The following EPHB2 variants were observed in gnomAD, a reference collection of about 807,000 sequenced individuals.
The protein encoded by EPHB2 is EPH receptor B2, also known as ephrin type-B receptor 2.
A neutral mutation model predicts 96.4 loss-of-function variants in EPHB2; 18 were observed. The ratio of observed to expected loss-of-function variants is 0.19; its 90% CI spans 0.13 to 0.28. EPHB2 has a LOEUF of 0.28. Among genes scored for constraint, EPHB2 ranks in the 10% least tolerant of loss-of-function variants. EPHB2 has a pLI of 1.00. For synonymous variants in EPHB2, 506 were observed against 534.1 expected (o/e 0.95, Z 0.72); for missense variants, 989 against 1,355.4 (o/e 0.73, Z 4.25).
intron 1 of EPHB2, among the ~76,000 whole-genome samples, chr1:22,773,778 C>T (rs548090630): frequency 2.0e-5 from 3 of 152,160 alleles, no homozygotes; most frequent in Non-Finnish European, 4.4e-5. Flanking sequence ...CTACCATCTC[C>T]TTCTGTGAAG....
In EPHB2 at chr1:22,857,538, A is replaced by G. The variant is rs569943405; in HGVS notation, c.812-5499A>G. ...TGGAGAGCTTACAGTAGGATGGTCA[A>G]TCCTCCCAGTTTGCCCAAGACTAAG... On this transcript the variant is annotated intron_variant, in intron 3 of 15. Coordinates refer to ENST00000374630, the MANE Select transcript of EPHB2 (RefSeq NM_017449.5). 1.4e-3 allele frequency among the ~76,000 whole-genome samples: 217 copies of G among 152,226 alleles called. 1 individual carries two copies. The highest frequency in any genetic ancestry group is 4.7e-3 in the African/African-American group (196 of 41,520).
intron 1 of EPHB2, among the ~76,000 whole-genome samples, chr1:22,761,497 G>A (rs1205599717): frequency 1.3e-5 from 2 of 152,164 alleles, no homozygotes; most frequent in Admixed American, 6.5e-5. Context: ...ATAAGCATTG[G>A]AGCCATGTCC....
At chr1:22,774,003 G>C (rs532951379) in intron 1 of EPHB2, among the ~76,000 whole-genome samples, 1 of 152,310 alleles carries the variant, frequency 6.6e-6, no homozygotes, top group East Asian at 1.9e-4. Context: ...AGTGCTAAGC[G>C]CTTGGCCTAG....
intron 5 of EPHB2, among the ~76,000 whole-genome samples, chr1:22,868,703 A>C (rs1638562709): frequency 6.6e-6 from 1 of 152,206 alleles, no homozygotes; most frequent in Non-Finnish European, 1.5e-5. Flanking sequence ...CAAGCCCAGC[A>C]TCAGTGGGAT....
At chr1:22,850,603 C>T (rs917880261) in intron 3 of EPHB2, among the ~76,000 whole-genome samples, 3 of 152,250 alleles carry the variant, frequency 2.0e-5, no homozygotes, top group African/African-American at 4.8e-5. Flanking sequence ...GCTATTCCTG[C>T]ATCTGTGAGT....
At chr1:22,880,204 GCAGAGAGGCAGTCTAGGGA>G (rs1217713039) in intron 5 of EPHB2, among the ~76,000 whole-genome samples, 1 of 152,178 alleles carries the variant, frequency 6.6e-6, no homozygotes, top group Non-Finnish European at 1.5e-5. Flanking sequence ...TAGCAGCAAG[GCAGAGAGGCAGTCTAGGGA>G]CAGACACAGA....
In EPHB2 at chr1:22,912,441, C is replaced by T; in HGVS notation, c.2697-3C>T. ...CATCTCTGTCGCCCACCCCCAACCC[C>T]AGCATCAACCTGCCGCTGCTGGACC... On this transcript the variant is annotated splice_polypyrimidine_tract_variant and splice_region_variant and intron_variant, in intron 14 of 15. Coordinates refer to ENST00000374630, the MANE Select transcript of EPHB2 (RefSeq NM_017449.5). The T allele has an allele frequency of 6.2e-7, 1 of 1,614,024 alleles. No individual in the cohort carries two copies. The highest frequency in any genetic ancestry group is 8.5e-7 in the Non-Finnish European group (1 of 1,180,034).
intron 1 of EPHB2, among the ~76,000 whole-genome samples, chr1:22,741,683 AAAAAACAAAAAAAC>A (rs1280385637): frequency 1.5e-4 from 22 of 142,704 alleles, no homozygotes; most frequent in African/African-American, 5.5e-4. Context: ...TCCCAGCAAA[AAAAAACAAAAAAAC>A]AAAAAACCTC....
chr1:22,812,220 C>T (rs945302904), intron 3 of EPHB2, among the ~76,000 whole-genome samples: 3 of 152,200 alleles, frequency 2.0e-5, no homozygotes, highest in Non-Finnish European at 2.9e-5. Flanking sequence ...CCCCACTTGT[C>T]CTGCCTGGCC....
chr1:22,805,730 A>G (rs28538498), intron 3 of EPHB2, among the ~76,000 whole-genome samples: 11,864 of 152,126 alleles, frequency 0.078, 1,457 homozygotes, highest in African/African-American at 0.26. Context: ...ACATGTGTGT[A>G]TGAGAGAGAG....
chr1:22,722,473 G>T (rs1260042418), intron 1 of EPHB2, among the ~76,000 whole-genome samples: 1 of 152,212 alleles, frequency 6.6e-6, no homozygotes, highest in Admixed American at 6.5e-5. Flanking sequence ...GGAAGTTGAG[G>T]TTCAATGACT....
chr1:22,845,856 T>G (rs1335921826), intron 3 of EPHB2, among the ~76,000 whole-genome samples: 2 of 152,176 alleles, frequency 1.3e-5, no homozygotes, highest in African/African-American at 4.8e-5. Flanking sequence ...TCTAGGCAAT[T>G]TGTCATAAAG....
intron 1 of EPHB2, among the ~76,000 whole-genome samples, chr1:22,742,366 C>T (rs1281838197): frequency 6.6e-6 from 1 of 152,104 alleles, no homozygotes; most frequent in Non-Finnish European, 1.5e-5. Context: ...AGGGTGGGGG[C>T]AGGGGCAAAG....
intron 3 of EPHB2, among the ~76,000 whole-genome samples, chr1:22,861,322 C>T (rs1638248556): frequency 6.6e-6 from 1 of 152,036 alleles, no homozygotes; most frequent in African/African-American, 2.4e-5. Flanking sequence ...CATGCTCATT[C>T]CACTTAAGGA....
At chr1:22,891,819 G>A (rs1460352238) in intron 6 of EPHB2, among the ~76,000 whole-genome samples, 4 of 149,764 alleles carry the variant, frequency 2.7e-5, no homozygotes, top group African/African-American at 9.8e-5. Flanking sequence ...TTTTTAGATA[G>A]GGTTTTGCTC....
At chr1:22,758,561 T>C (rs1023992394) in intron 1 of EPHB2, among the ~76,000 whole-genome samples, 2 of 152,048 alleles carry the variant, frequency 1.3e-5, no homozygotes, top group Non-Finnish European at 2.9e-5. Context: ...ATGCTGCCCT[T>C]GTGCCACGCC....
rs1638225662 is a variant in EPHB2 at position 22,860,970 on chromosome 1, G to A, written c.812-2067G>A. Among the ~76,000 whole-genome samples, 1 of 152,180 alleles carries A rather than the reference G, an allele frequency of 6.6e-6. No individual in the cohort carries two copies. Among genetic ancestry groups the A allele is most frequent in the South Asian group, 2.1e-4 (1 of 4,830 alleles). ...ACTCAGGGGACCCAGACCCAGTGCAGTAATCCTCATGATTACTTTATGTGG... is the reference window on the plus strand; with the variant it reads ...ACTCAGGGGACCCAGACCCAGTGCAATAATCCTCATGATTACTTTATGTGG... On this transcript the variant is annotated intron_variant, in intron 3 of 15. Coordinates refer to ENST00000374630, the MANE Select transcript of EPHB2 (RefSeq NM_017449.5). The surrounding 1 kb of genome is among the most constrained non-coding windows in gnomAD (Gnocchi z 4.6).
At chr1:22,908,285 C>A (rs905302176) in intron 12 of EPHB2, 117 bp downstream of exon 12, 8 of 1,269,786 alleles carry the variant, frequency 6.3e-6, no homozygotes, top group South Asian at 1.3e-5. Flanking sequence ...CTGTCCTGGG[C>A]CCTGGAGACA....
At chr1:22,840,885 G>A (rs1050334776) in intron 3 of EPHB2, among the ~76,000 whole-genome samples, 47 of 152,232 alleles carry the variant, frequency 3.1e-4, no homozygotes, top group East Asian at 2.5e-3. Flanking sequence ...GTTAGGTACT[G>A]TTATTACCCT....
Sources: allele counts gnomAD v4.1 joint callset (sites outside exome capture counted in the v4.1 genomes callset), GRCh38; gene constraint gnomAD v4.1.1; non-coding constraint Gnocchi (gnomAD v3.1); transcripts MANE v1.5; gene names NCBI Gene and HGNC (gene_info 2026-07-23, HGNC 2026-07-21).